KSR1: variants seen among roughly 807,000 people sequenced by gnomAD.
The protein encoded by KSR1 is kinase suppressor of ras 1, also known as kinase suppressor of ras.
A neutral mutation model predicts 92.9 loss-of-function variants in KSR1; 35 were observed. The observed-to-expected ratio is 0.38, with a 90% CI of 0.29 to 0.50. The LOEUF is 0.50. Ranked by LOEUF, KSR1 falls within the 20% of genes least tolerant of loss-of-function variation. The probability of loss-of-function intolerance (pLI) is 0.94; values close to 1 mark genes in which losing one functional copy is unlikely to be tolerated. For missense variants in KSR1, 972 were observed against 1,158.5 expected, an observed-to-expected ratio of 0.84 and a Z score of 2.34; for synonymous variants, 467 against 472.6, an observed-to-expected ratio of 0.99 and a Z score of 0.15.
rs759497821 is a variant in KSR1, at chr17:27,605,862, C to G, written c.1994+49C>G. ...GCTGGATGGCCAGCTCAGCCTCCCC[C>G]TTCCCAGGGAGCCCTGTTTGTGTGG... On this transcript the variant is annotated intron_variant, in intron 14 of 20. Coordinates refer to ENST00000644974, the MANE Select transcript of KSR1 (RefSeq NM_001394583.1). The G allele has an allele frequency of 3.1e-6, 5 of 1,602,346 alleles. No homozygotes were observed. The African/African-American group carries it at 5.4e-5, about 17-fold the overall frequency.
chr17:27,583,227 G>A, intron 4 of KSR1, 122 bp downstream of exon 4: 5 of 676,386 alleles, frequency 7.4e-6, no homozygotes, highest in Non-Finnish European at 1.2e-5. Context: ...AGTAAAAGGT[G>A]CCCCCATCTT....
chr17:27,583,427 C>CCTTGTCCAT (rs1250256311), intron 4 of KSR1, among the ~76,000 whole-genome samples: 2 of 152,252 alleles, frequency 1.3e-5, no homozygotes, highest in Admixed American at 1.3e-4. Context: ...GCTCATGCCG[C>CCTTGTCCAT]CTTGTCCATC....
At chr17:27,572,992 G>A (rs139565008) in intron 2 of KSR1, among the ~76,000 whole-genome samples, 1 of 152,140 alleles carries the variant, frequency 6.6e-6, no homozygotes, top group Non-Finnish European at 1.5e-5. Context: ...TCCAGGGTGG[G>A]CCCCTCACTG....
chr17:27,466,548 A>G lies in KSR1; in HGVS notation c.231+9674A>G, dbSNP rs189986082. ...GGGCATGGTCTGCTCAGTGTCTACCAGGAACCTCATGATCCCCCTGATGGG... is the reference window on the plus strand; with the variant it reads ...GGGCATGGTCTGCTCAGTGTCTACCGGGAACCTCATGATCCCCCTGATGGG... On this transcript the variant is annotated intron_variant, in intron 1 of 20. Transcript: ENST00000644974. Among the ~76,000 whole-genome samples, 5 of 152,352 alleles carry G rather than the reference A, an allele frequency of 3.3e-5. No homozygotes were observed. The East Asian group carries it at 9.6e-4, about 29-fold the overall frequency.
intron 1 of KSR1, among the ~76,000 whole-genome samples, chr17:27,484,811 A>G (rs2068616884): frequency 6.6e-6 from 1 of 152,240 alleles, no homozygotes; most frequent in African/African-American, 2.4e-5. Flanking sequence ...AGGATGCTCC[A>G]GGCAGGGGAT....
chr17:27,549,175 G>A (rs1402199568), intron 1 of KSR1, among the ~76,000 whole-genome samples: 2 of 152,238 alleles, frequency 1.3e-5, no homozygotes, highest in African/African-American at 4.8e-5. Flanking sequence ...AGGGACAGCA[G>A]GGTTGAGAAG....
At chr17:27,504,664 C>T (rs987203562) in intron 1 of KSR1, among the ~76,000 whole-genome samples, 3 of 152,064 alleles carry the variant, frequency 2.0e-5, no homozygotes, top group South Asian at 4.1e-4. Flanking sequence ...AGCACTGTGG[C>T]GGGGGGATGC....
chr17:27,561,110 T>G (rs1164356114), intron 2 of KSR1, among the ~76,000 whole-genome samples: 1 of 149,174 alleles, frequency 6.7e-6, no homozygotes, highest in Non-Finnish European at 1.5e-5. Context: ...GTCATCCTGT[T>G]TCATCCTTAT....
intron 1 of KSR1, among the ~76,000 whole-genome samples, chr17:27,494,429 G>A (rs2068918340): frequency 6.6e-6 from 1 of 152,172 alleles, no homozygotes; most frequent in Non-Finnish European, 1.5e-5. Flanking sequence ...GCCTCTGAGT[G>A]AGATTAACTA....
chr17:27,605,614 C>G lies in KSR1; in HGVS notation c.1795C>G (p.Gln599Glu), dbSNP rs1041157526. Residue 599 changes from glutamine to glutamate, a missense_variant, in exon 14 of 21, where the codon CAG becomes GAG. Around this residue, in one of 5 missense-constraint regions of KSR1, gnomAD observed 260 missense variants for 375.2 expected, o/e 0.69. Coordinates refer to ENST00000644974, the MANE Select transcript of KSR1 (RefSeq NM_001394583.1). ...EQVELGEPIG[Q>E]GRWGRVHRGR... The stretch of plus-strand genomic sequence containing the variant: ...GGTAGAGCTGGGCGAGCCCATCGGG[C>G]AGGGCCGCTGGGGCCGGGTGCACCG... 2.5e-6 allele frequency: 4 copies of G among 1,606,070 alleles called. No homozygotes were observed. The African/African-American group carries it at 5.3e-5, about 21-fold the overall frequency.
intron 1 of KSR1, among the ~76,000 whole-genome samples, chr17:27,471,715 C>T (rs2020017133): frequency 6.6e-6 from 1 of 152,158 alleles, no homozygotes; most frequent in South Asian, 2.1e-4. Context: ...GGCCGGGTTT[C>T]GTGCCAGGCA....
At chr17:27,548,019 C>T (rs775751508) in intron 1 of KSR1, among the ~76,000 whole-genome samples, 13 of 152,144 alleles carry the variant, frequency 8.5e-5, no homozygotes, top group Non-Finnish European at 1.6e-4. Context: ...GGCTGTCTAT[C>T]ACAGTTTTCA....
rs1252542248 is a variant in KSR1, at chr17:27,611,643, GC to G, written c.2493+17del. On this transcript the variant is annotated intron_variant, in intron 18 of 20. Coordinates refer to ENST00000644974, the MANE Select transcript of KSR1 (RefSeq NM_001394583.1). The stretch of plus-strand genomic sequence containing the variant: ...AAGGAAGTCAGTGTAAGTAGTACCT[GC>G]CCTGGGTGGAGCAGTAGGGCTGGAG... The G allele has an allele frequency of 1.2e-6, 2 of 1,613,648 alleles. No homozygotes were observed. Among genetic ancestry groups the G allele is most frequent in the South Asian group, 2.2e-5 (2 of 91,058 alleles).
chr17:27,598,967 G>A (rs951631251), intron 10 of KSR1, among the ~76,000 whole-genome samples: 3 of 152,214 alleles, frequency 2.0e-5, no homozygotes, highest in Non-Finnish European at 4.4e-5. Context: ...TTGAACTTCA[G>A]GGGTAAACCT....
At chr17:27,528,606 C>T (rs1477325367) in intron 1 of KSR1, among the ~76,000 whole-genome samples, 1 of 152,084 alleles carries the variant, frequency 6.6e-6, no homozygotes, top group Non-Finnish European at 1.5e-5. Flanking sequence ...CCTATTGAAA[C>T]TCCATTTCTG....
Position 27,546,740 on chromosome 17 carries a change from G to A in KSR1, c.232-3828G>A, listed in dbSNP as rs576225746. ...GAATTTGCCTCTGGTCTCACTGGGC[G>A]GGATGGATCAGAGTGGGGTAAGCCA... On this transcript the variant is annotated intron_variant, in intron 1 of 20. Coordinates refer to ENST00000644974, the MANE Select transcript of KSR1 (RefSeq NM_001394583.1). Among the ~76,000 whole-genome samples the A allele has an allele frequency of 5.9e-5, 9 of 152,288 alleles. No homozygotes were observed. In the South Asian group the frequency reaches 1.9e-3, roughly 32 times the overall value.
intron 1 of KSR1, among the ~76,000 whole-genome samples, chr17:27,529,634 G>T (rs956436087): frequency 1.3e-5 from 2 of 152,200 alleles, no homozygotes; most frequent in African/African-American, 4.8e-5. Context: ...TATTATTAAG[G>T]TGGGAGGTTT....
intron 1 of KSR1, among the ~76,000 whole-genome samples, chr17:27,537,058 C>T (rs1158083721): frequency 6.6e-6 from 1 of 152,334 alleles, no homozygotes. Context: ...GGGGCTCCCC[C>T]ACCTATTCTT....
At chr17:27,484,826 C>T (rs887679451) in intron 1 of KSR1, among the ~76,000 whole-genome samples, 2 of 152,182 alleles carry the variant, frequency 1.3e-5, no homozygotes, top group South Asian at 2.1e-4. Flanking sequence ...GGGGATTAAC[C>T]GGGGAGCTGC....
Sources: allele counts gnomAD v4.1 joint callset (sites outside exome capture counted in the v4.1 genomes callset), GRCh38; gene constraint gnomAD v4.1.1; regional missense constraint gnomAD v4.1.1; transcripts MANE v1.5; gene names NCBI Gene and HGNC (gene_info 2026-07-23, HGNC 2026-07-21).